Variants in CCDC3 observed in about 807,000 individuals in gnomAD.
The protein encoded by CCDC3 is coiled-coil domain-containing protein 3.
A neutral mutation model predicts 21.4 loss-of-function variants in CCDC3; 24 were observed. That is an observed-to-expected ratio of 1.12 (90% CI 0.81 to 1.58). The LOEUF (loss-of-function observed/expected upper bound fraction) is 1.58, where lower values mean the gene tolerates loss of function less well. Ranked by LOEUF, CCDC3 falls within the 40% of genes most tolerant of loss-of-function variation. The pLI is 0.00. For synonymous variants in CCDC3, 186 were observed against 166.0 expected (o/e 1.12, Z -0.93); for missense variants, 425 against 360.9 (o/e 1.18, Z -1.44).
At position 13,060,042 on chromosome 10, in the gene CCDC3, C is replaced by T. The variant is rs3995666; in HGVS notation, c.-269-10101G>A. 9.5e-4 allele frequency among the ~76,000 whole-genome samples: 145 copies of T among 152,236 alleles called. 2 individuals are homozygous for T. The highest frequency in any genetic ancestry group is 3.3e-3 in the African/African-American group (135 of 41,534). On this transcript the variant is annotated intron_variant, in intron 4 of 6. Coordinates refer to the CCDC3 transcript ENST00000378839. The stretch of plus-strand genomic sequence containing the variant: ...GAGGTTGCAGTGAGCCAAGACTGCA[C>T]CACTGCACTCCAGCCTGACAACAGA...
intron 2 of CCDC3, among the ~76,000 whole-genome samples, chr10:12,932,229 A>C (rs7084523): frequency 6.6e-6 from 1 of 152,142 alleles, no homozygotes; most frequent in South Asian, 2.1e-4. Flanking sequence ...TGTTCCTTGT[A>C]AGTAATGTTT....
At chr10:13,076,315 T>C (rs10796014) in intron 3 of CCDC3, among the ~76,000 whole-genome samples, 113,504 of 152,130 alleles carry the variant, frequency 0.75, 42,658 homozygotes, top group Middle Eastern at 0.83. Flanking sequence ...AGCAACTCCA[T>C]CTTGGGTGAG....
At position 12,957,906 on chromosome 10, in the gene CCDC3, C is replaced by T. The variant is rs539370457; in HGVS notation, c.549+40432G>A. Among the ~76,000 whole-genome samples, 10 of 152,180 alleles carry T rather than the reference C, an allele frequency of 6.6e-5. 1 individual carries two copies. The South Asian group carries it at 1.9e-3, about 28-fold the overall frequency. The stretch of plus-strand genomic sequence containing the variant: ...TGTTGCCCAGGCTGGAGTGCAGTGG[C>T]GTGATCTTGGCCTCCTGGGTTCAAG... On this transcript the variant is annotated intron_variant, in intron 2 of 2. Coordinates refer to ENST00000378825, the MANE Select transcript of CCDC3 (RefSeq NM_031455.4).
rs1835201778 is a variant in CCDC3, at chr10:12,962,939, A to G, written c.549+35399T>C. Among the ~76,000 whole-genome samples the G allele has an allele frequency of 2.6e-5, 4 of 152,132 alleles. No individual in the cohort carries two copies. In the South Asian group the frequency reaches 8.3e-4, roughly 31 times the overall value. On this transcript the variant is annotated intron_variant, in intron 2 of 2. Coordinates refer to ENST00000378825, the MANE Select transcript of CCDC3 (RefSeq NM_031455.4). Reference sequence around the variant, plus strand: ...TTTTATATGGTTTCTTCCAAGCTTTATGTGTGTGTTTTCATAAAAAGATTT... The same window carrying G: ...TTTTATATGGTTTCTTCCAAGCTTTGTGTGTGTGTTTTCATAAAAAGATTT...
intron 2 of CCDC3, among the ~76,000 whole-genome samples, chr10:12,912,313 C>A (rs1445610946): frequency 6.6e-6 from 1 of 152,148 alleles, no homozygotes. Flanking sequence ...TTGGTAATAG[C>A]CCTTCTAACG....
At chr10:13,092,001 G>C (rs1182733174) in intron 3 of CCDC3, among the ~76,000 whole-genome samples, 1 of 152,112 alleles carries the variant, frequency 6.6e-6, no homozygotes. Flanking sequence ...GCAGTGAAAA[G>C]GGCTGATGGT....
intron 1 of CCDC3, among the ~76,000 whole-genome samples, chr10:13,000,483 C>T (rs1192843728): frequency 1.3e-5 from 2 of 152,146 alleles, no homozygotes; most frequent in African/African-American, 4.8e-5. Context: ...GTTCACCTCT[C>T]CACTCCTCAA....
intron 2 of CCDC3, among the ~76,000 whole-genome samples, chr10:12,972,533 G>C (rs1370105684): frequency 6.6e-6 from 1 of 152,142 alleles, no homozygotes; most frequent in African/African-American, 2.4e-5. Flanking sequence ...ATGAGAAATT[G>C]GGCCAGGCAC....
intron 5 of CCDC3, among the ~76,000 whole-genome samples, chr10:13,025,379 A>G (rs909901840): frequency 6.6e-6 from 1 of 152,210 alleles, no homozygotes; most frequent in African/African-American, 2.4e-5. Flanking sequence ...CTAAAGTTGC[A>G]TTGGCCAAAG....
Position 13,027,457 on chromosome 10 carries a change from C to T in CCDC3, c.-2+22217G>A, listed in dbSNP as rs112687910. On this transcript the variant is annotated intron_variant, in intron 5 of 6. Coordinates refer to the CCDC3 transcript ENST00000378839. ...TCTTCCCCTGTCTCTTTCTCTCTGA[C>T]GTCTCATTGCACTAAGACACTGATT... Among the ~76,000 whole-genome samples the T allele has an allele frequency of 7.5e-4, 114 of 152,260 alleles. 3 individuals carry two copies. The highest frequency in any genetic ancestry group is 3.4e-3 in the Middle Eastern group (1 of 294).
intron 2 of CCDC3, among the ~76,000 whole-genome samples, chr10:12,906,894 G>C (rs1421771926): frequency 2.6e-5 from 4 of 152,172 alleles, no homozygotes; most frequent in Non-Finnish European, 4.4e-5. Context: ...AGGTCCTCTT[G>C]AGTGTCTGTG....
chr10:12,964,131 G>C (rs1418006758), intron 2 of CCDC3, among the ~76,000 whole-genome samples: 1 of 152,088 alleles, frequency 6.6e-6, no homozygotes, highest in African/African-American at 2.4e-5. Context: ...CCAACACTTT[G>C]GGAGGGTGAA....
chr10:12,935,434 C>T (rs192898691), intron 2 of CCDC3, among the ~76,000 whole-genome samples: 103 of 152,206 alleles, frequency 6.8e-4, no homozygotes, highest in African/African-American at 2.0e-3. Flanking sequence ...TACATTTAGA[C>T]GACTGAAATT....
intron 5 of CCDC3, among the ~76,000 whole-genome samples, chr10:13,006,806 A>G (rs1340726267): frequency 6.6e-6 from 1 of 152,062 alleles, no homozygotes. Flanking sequence ...CTTATGTCTA[A>G]AAGCTAGGTA....
intron 3 of CCDC3, among the ~76,000 whole-genome samples, chr10:13,081,051 A>T (rs1237976849): frequency 2.0e-5 from 3 of 152,224 alleles, no homozygotes; most frequent in Admixed American, 2.0e-4. Context: ...AAGCCCCAAG[A>T]TATGCAAAGT....
At chr10:12,916,585 A>C (rs1259824461) in intron 2 of CCDC3, among the ~76,000 whole-genome samples, 1 of 149,632 alleles carries the variant, frequency 6.7e-6, no homozygotes, top group Non-Finnish European at 1.5e-5. Context: ...ACGCCACTGC[A>C]CTCCAGCCTG....
intron 2 of CCDC3, among the ~76,000 whole-genome samples, chr10:12,939,081 G>A (rs1319136777): frequency 4.8e-5 from 7 of 145,944 alleles, no homozygotes; most frequent in South Asian, 4.2e-4. Context: ...CAGCCTTTAC[G>A]TGCCTCAAGT....
chr10:13,051,188 TTACTC>T (rs1472139458), intron 4 of CCDC3, among the ~76,000 whole-genome samples: 4 of 152,180 alleles, frequency 2.6e-5, no homozygotes, highest in Non-Finnish European at 5.9e-5. Flanking sequence ...TCCAACCGAC[TTACTC>T]TATTCTATCT....
chr10:12,943,781 C>T (rs376271568), intron 2 of CCDC3, among the ~76,000 whole-genome samples: 3 of 152,086 alleles, frequency 2.0e-5, no homozygotes, highest in East Asian at 1.9e-4. Context: ...ACAGATGAGA[C>T]GACCCACTTG....
Sources: allele counts gnomAD v4.1 joint callset (sites outside exome capture counted in the v4.1 genomes callset), GRCh38; gene constraint gnomAD v4.1.1; transcripts MANE v1.5; gene names NCBI Gene and HGNC (gene_info 2026-07-23, HGNC 2026-07-21).